Variants in SLC38A6 observed in about 807,000 individuals in gnomAD.
SLC38A6 encodes N system amino acid transporter NAT-1.
Under a neutral mutation model 65.0 loss-of-function variants are expected in SLC38A6, and 73 were observed. That is an observed-to-expected ratio of 1.12 (90% CI 0.93 to 1.37). SLC38A6 has a LOEUF of 1.37. SLC38A6 is among the 40% of genes most tolerant of loss of function. SLC38A6 has a pLI of 0.00. For missense variants in SLC38A6, 561 were observed against 531.1 expected (o/e 1.06, Z -0.55); for synonymous variants, 183 against 178.8 (o/e 1.02, Z -0.19).
At chr14:61,070,030 T>A (rs948800619) in intron 15 of SLC38A6, among the ~76,000 whole-genome samples, 3 of 152,188 alleles carry the variant, frequency 2.0e-5, no homozygotes, top group Non-Finnish European at 2.9e-5. Context: ...ACATTATGAC[T>A]TTTTTTAGTT....
At chr14:60,996,016 A>G (rs1032817090) in intron 3 of SLC38A6, among the ~76,000 whole-genome samples, 2 of 152,214 alleles carry the variant, frequency 1.3e-5, no homozygotes, top group African/African-American at 4.8e-5. Context: ...CCTATAATGT[A>G]AATTATGGAC....
At chr14:61,064,353 CCTAAAT>C (rs916805476) in intron 15 of SLC38A6, among the ~76,000 whole-genome samples, 1 of 151,946 alleles carries the variant, frequency 6.6e-6, no homozygotes, top group Non-Finnish European at 1.5e-5. Flanking sequence ...CCAAAATAAC[CCTAAAT>C]CTGCAACAGA....
At chr14:61,070,296 A>G (rs972725555) in intron 15 of SLC38A6, among the ~76,000 whole-genome samples, 1 of 152,194 alleles carries the variant, frequency 6.6e-6, no homozygotes, top group Non-Finnish European at 1.5e-5. Context: ...GTACCAAGGA[A>G]TCATGTAGTA....
At chr14:61,015,130 A>G (rs1195193100) in intron 3 of SLC38A6, among the ~76,000 whole-genome samples, 5 of 152,134 alleles carry the variant, frequency 3.3e-5, no homozygotes, top group African/African-American at 1.2e-4. Flanking sequence ...TTGATCTCAG[A>G]CTGCTGTGCT....
intron 3 of SLC38A6, among the ~76,000 whole-genome samples, chr14:61,015,157 C>T (rs1288150632): frequency 3.9e-5 from 6 of 152,200 alleles, no homozygotes; most frequent in Non-Finnish European, 8.8e-5. Context: ...GAGCGAGGCT[C>T]CGTGGGCATA....
At chr14:61,071,724 T>G (rs866786549) in intron 15 of SLC38A6, among the ~76,000 whole-genome samples, 9 of 152,090 alleles carry the variant, frequency 5.9e-5, no homozygotes, top group Middle Eastern at 3.4e-3. Flanking sequence ...TGATTTATAT[T>G]CACAACAACT....
Position 60,984,712 on chromosome 14 carries a change from T to TG in SLC38A6, c.237-17dup. The TG allele has an allele frequency of 6.2e-7, 1 of 1,613,394 alleles. No homozygotes were observed. The highest frequency in any genetic ancestry group is 8.5e-7 in the Non-Finnish European group (1 of 1,179,458). ...AAACTTTTGGGAGGTTTTGACCAGG[T>TG]GTTCTTTTATGTTTTAGCTTCTTGC... On this transcript the variant is annotated splice_polypyrimidine_tract_variant and intron_variant, in intron 2 of 15. Coordinates refer to ENST00000267488, the MANE Select transcript of SLC38A6 (RefSeq NM_153811.3).
chr14:61,017,092 A>G (rs2040061080), intron 4 of SLC38A6, among the ~76,000 whole-genome samples: 1 of 151,994 alleles, frequency 6.6e-6, no homozygotes, highest in South Asian at 2.1e-4. Context: ...CCCAGGCTGG[A>G]GTGAAATGGC....
At chr14:61,022,770 G>A (rs915552458) in intron 5 of SLC38A6, among the ~76,000 whole-genome samples, 2 of 151,932 alleles carry the variant, frequency 1.3e-5, no homozygotes, top group Non-Finnish European at 2.9e-5. Flanking sequence ...TTTAGGTCAA[G>A]CACTCTACTA....
chr14:61,000,654 T>C (rs897858104), intron 3 of SLC38A6, among the ~76,000 whole-genome samples: 4 of 152,168 alleles, frequency 2.6e-5, no homozygotes, highest in African/African-American at 9.6e-5. Flanking sequence ...AAAAATTCTT[T>C]ACATAGCTTA....
chr14:61,016,410 A>T (rs2040012769), intron 4 of SLC38A6, among the ~76,000 whole-genome samples: 1 of 152,182 alleles, frequency 6.6e-6, no homozygotes. Context: ...TTATCTAGCT[A>T]TCCTCTCATT....
intron 3 of SLC38A6, among the ~76,000 whole-genome samples, chr14:61,011,872 T>C (rs1416862652): frequency 6.6e-6 from 1 of 152,240 alleles, no homozygotes; most frequent in African/African-American, 2.4e-5. Context: ...TGCCAGACTT[T>C]GGTATCAGGA....
intron 3 of SLC38A6, among the ~76,000 whole-genome samples, chr14:61,007,845 A>C (rs1042137541): frequency 5.3e-5 from 8 of 152,308 alleles, no homozygotes; most frequent in African/African-American, 1.7e-4. Context: ...GGGATGTTAA[A>C]TATAAGGAAT....
At chr14:61,019,504 C>T (rs753165561) in intron 4 of SLC38A6, 37 bp from the exon 5 acceptor site, 1 of 1,603,626 alleles carries the variant, frequency 6.2e-7, no homozygotes, top group Non-Finnish European at 8.5e-7. Flanking sequence ...TATATTGTTT[C>T]CCCTTCTATC....
intron 15 of SLC38A6, 52 bp downstream of exon 15, chr14:61,052,187 T>G (rs755492733): frequency 1.4e-6 from 2 of 1,432,726 alleles, no homozygotes; most frequent in Admixed American, 2.6e-5. Context: ...AGAAATAGTT[T>G]GTCAGTTTAT....
Position 61,037,675 on chromosome 14 carries a change from G to C in SLC38A6, c.616G>C (p.Ala206Pro). ...ATCATTTTTCTTTATGATGTTCTTT[G>C]CTCTTGTGGTAAGTTTAAAATATAA... Reference protein sequence around the residue: ...SLSFFFMMFFALVVIIKKWSI... With the variant: ...SLSFFFMMFFPLVVIIKKWSI... Residue 206 changes from alanine to proline, a missense_variant, in exon 8 of 16, where the codon GCT becomes CCT. Ala to Pro is a conservative substitution (Grantham distance 27). Coordinates refer to ENST00000267488, the MANE Select transcript of SLC38A6 (RefSeq NM_153811.3). 1 of 1,586,518 alleles carries C rather than the reference G, an allele frequency of 6.3e-7. No individual in the cohort carries two copies. Among genetic ancestry groups the C allele is most frequent in the Non-Finnish European group, 8.6e-7 (1 of 1,161,278 alleles).
intron 15 of SLC38A6, among the ~76,000 whole-genome samples, chr14:61,062,690 G>GT (rs967965240): frequency 5.3e-5 from 8 of 151,688 alleles, no homozygotes; most frequent in African/African-American, 9.7e-5. Context: ...GTTTTGTTTT[G>GT]TTTTTTTGAG....
chr14:61,062,062 C>T (rs1265628480), intron 15 of SLC38A6, among the ~76,000 whole-genome samples: 1 of 152,152 alleles, frequency 6.6e-6, no homozygotes, highest in Non-Finnish European at 1.5e-5. Context: ...TGGTCTTGTA[C>T]TCCTGACCTC....
intron 15 of SLC38A6, chr14:61,074,016 A>G (rs2043315355): frequency 6.6e-6 from 1 of 152,216 alleles, no homozygotes; most frequent in African/African-American, 2.4e-5. Flanking sequence ...TTGTAAGAAA[A>G]TAGTATATAA....
Sources: gnomAD v4.1 joint callset for allele counts (sites outside exome capture counted in the v4.1 genomes callset) on GRCh38, gnomAD v4.1.1 for gene constraint, MANE v1.5 for transcripts, NCBI Gene and HGNC (gene_info 2026-07-23, HGNC 2026-07-21) for gene names.